Variants in SLC17A2 observed in about 807,000 individuals in gnomAD.
SLC17A2 encodes sodium-dependent phosphate transport protein 3.
In SLC17A2, 38 loss-of-function variants were observed where a neutral mutation model predicts 52.1. That is an observed-to-expected ratio of 0.73 (90% CI 0.56 to 0.96). SLC17A2 has a LOEUF of 0.96. Ranked by LOEUF, SLC17A2 falls within the 40% of genes least tolerant of loss-of-function variation. SLC17A2 has a pLI of 0.00. For synonymous variants in SLC17A2, 226 were observed against 211.9 expected (o/e 1.07, Z -0.58); for missense variants, 508 against 583.9 (o/e 0.87, Z 1.34).
chr6:25,913,397 A>G lies in SLC17A2; in HGVS notation c.1357T>C (p.Phe453Leu). 1.2e-6 allele frequency: 2 copies of G among 1,614,178 alleles called. No homozygotes were observed. Among genetic ancestry groups the G allele is most frequent in the East Asian group, 4.5e-5 (2 of 44,882 alleles). The stretch of plus-strand genomic sequence containing the variant: ...AACGTGAGGTAAAAGACCAGGCCAA[A>G]CATGTTGACTGCAGCAGACAGGAAA... ...VFFLSAAVNM[F>L]GLVFYLTFGQ... The change falls in exon 12 of 12, where the codon TTT (phenylalanine) becomes CTT (leucine). Residue 453 changes from phenylalanine (F) to leucine (L), a missense_variant. Coordinates refer to ENST00000377850, the MANE Select transcript of SLC17A2 (RefSeq NM_001286123.3).
intron 1 of SLC17A2, among the ~76,000 whole-genome samples, chr6:25,928,898 A>G (rs948254815): frequency 6.6e-6 from 1 of 152,198 alleles, no homozygotes; most frequent in African/African-American, 2.4e-5. Flanking sequence ...AAATGAATTG[A>G]AATTAAGTTA....
At position 25,917,110 on chromosome 6, in the gene SLC17A2, G is replaced by A. The variant is rs776736311; in HGVS notation, c.650-23C>T. The stretch of plus-strand genomic sequence containing the variant: ...TACCTGGGAAGAAGGGATAAAATTA[G>A]TTTTTAGGTAGATTTGTTTACTGGG... On this transcript the variant is annotated intron_variant, in intron 6 of 11. Transcript: ENST00000377850. 4 of 1,583,058 alleles carry A rather than the reference G, an allele frequency of 2.5e-6. No individual in the cohort carries two copies. In the South Asian group the frequency reaches 4.4e-5, roughly 17 times the overall value.
intron 5 of SLC17A2, among the ~76,000 whole-genome samples, chr6:25,919,911 G>A (rs1166269366): frequency 6.6e-6 from 1 of 152,070 alleles, no homozygotes; most frequent in African/African-American, 2.4e-5. Context: ...GCACAGGGGA[G>A]TTGAGTGGAA....
At chr6:25,919,818 C>G (rs1561877950) in intron 5 of SLC17A2, among the ~76,000 whole-genome samples, 2 of 142,800 alleles carry the variant, frequency 1.4e-5, no homozygotes, top group African/African-American at 2.6e-5. Context: ...GGCATATAAA[C>G]TAACGGGAGC....
chr6:25,916,730 G>A lies in SLC17A2; in HGVS notation c.885C>T (p.Tyr295=). The A allele has an allele frequency of 1.2e-6, 2 of 1,613,786 alleles. No individual in the cohort carries two copies. The highest frequency in any genetic ancestry group is 1.6e-4 in the Middle Eastern group (1 of 6,062). ...HFWLCTIILT[Y]LPTYISTLLH... is the part of the protein sequence containing the mutation. ...GCAGAGTACTGATATACGTTGGTAG[G>A]TATGTTAGGATGATGGTGCACAACC... The change falls in exon 8 of 12, where the codon TAC becomes TAT. Residue 295 remains tyrosine (Y), a synonymous_variant. Transcript: ENST00000377850.
In SLC17A2 at chr6:25,921,212, G is replaced by A; in HGVS notation, c.441C>T (p.Val147=). Residue 147 remains valine (V), a synonymous_variant, in exon 4 of 12, where the codon GTC becomes GTT. Transcript: ENST00000377850. ...PLAADFGVIL[V]IMVRTVQGMA... is the part of the protein sequence containing the mutation. ...TGCCCTGGACTGTCCGAACCATGAT[G>A]ACCAAAATCACTCCGAAGTCAGCAG... 6.2e-7 allele frequency: 1 copy of A among 1,614,184 alleles called. No homozygotes were observed. Among genetic ancestry groups the A allele is most frequent in the Non-Finnish European group, 8.5e-7 (1 of 1,180,032 alleles).
rs1303196554 is a variant in SLC17A2, at chr6:25,918,588, G to A, written c.563-15C>T. ...AAATGCTGACCCTAAAGGAAAAAGG[G>A]AGAAAAACACTTATGAAAATATCAA... On this transcript the variant is annotated splice_polypyrimidine_tract_variant and intron_variant, in intron 5 of 11. Transcript: ENST00000377850. The A allele has an allele frequency of 3.2e-6, 5 of 1,564,292 alleles. No individual in the cohort carries two copies. The highest frequency in any genetic ancestry group is 8.8e-7 in the Non-Finnish European group (1 of 1,134,934).
In SLC17A2 at chr6:25,925,994, T is replaced by A. The variant is rs143480916; in HGVS notation, c.-83-115A>T. On this transcript the variant is annotated intron_variant, in intron 1 of 11. Coordinates refer to ENST00000377850, the MANE Select transcript of SLC17A2 (RefSeq NM_001286123.3). ...CCAACACAGCTCTATAACTTACATTTTATGGGGCACTACTGGTATGCTTTT... is the reference window on the plus strand; with the variant it reads ...CCAACACAGCTCTATAACTTACATTATATGGGGCACTACTGGTATGCTTTT... 89 of 632,016 alleles carry A rather than the reference T, an allele frequency of 1.4e-4. 1 individual carries two copies. In the Middle Eastern group the frequency reaches 1.9e-3, roughly 14 times the overall value. 39.2% of individuals were successfully genotyped at this position (632,016 alleles called of 1,614,324 possible).
chr6:25,928,194 A>AT (rs1167257781), intron 1 of SLC17A2, among the ~76,000 whole-genome samples: 14 of 152,020 alleles, frequency 9.2e-5, no homozygotes, highest in African/African-American at 2.7e-4. Flanking sequence ...AGATCCCCTA[A>AT]TGCCTAGACT....
Position 25,913,228 on chromosome 6 carries a change from T to G in SLC17A2, c.*89A>C. On this transcript the variant is annotated 3_prime_UTR_variant, in exon 12 of 12. Transcript: ENST00000377850. ...ACACACAGCCAGAGTTAAGAACTGC[T>G]GAGTCTATGGTCAGGAATATGGAGA... 9.9e-6 allele frequency: 14 copies of G among 1,412,556 alleles called. No homozygotes were observed. The highest frequency in any genetic ancestry group is 1.3e-5 in the Non-Finnish European group (13 of 1,000,566). The allele number at this position is 1,412,556 out of a possible 1,614,324, so 87.5% of individuals were successfully genotyped here.
Position 25,921,362 on chromosome 6 carries a change from G to A in SLC17A2, c.291C>T (p.Ser97=). The A allele has an allele frequency of 6.2e-7, 1 of 1,614,126 alleles. No individual in the cohort carries two copies. The highest frequency in any genetic ancestry group is 2.2e-5 in the East Asian group (1 of 44,886). ...SPETQGIIFS[S]INYGIILTLI... ...GAGTCAGTATTATCCCATAGTTGAT[G>A]GAGCTAAAGATGATACCCTGAGTTT... The change falls in exon 4 of 12, where the codon TCC becomes TCT. Residue 97 remains serine, a synonymous_variant. Transcript: ENST00000377850.
intron 3 of SLC17A2, among the ~76,000 whole-genome samples, chr6:25,922,271 G>T (rs535472872): frequency 6.6e-6 from 1 of 152,232 alleles, no homozygotes; most frequent in South Asian, 2.1e-4. Flanking sequence ...ATTTGGGAAG[G>T]TCCCAGAAAG....
chr6:25,918,564 A>G lies in SLC17A2; in HGVS notation c.572T>C (p.Phe191Ser), dbSNP rs199592342. ...LTTIAGSGSA[F>S]GSFIILCVGG... ...CACACAGAGGATGATGAAGGATCCAAATGCTGACCCTAAAGGAAAAAGGGA... is the reference window on the plus strand; with the variant it reads ...CACACAGAGGATGATGAAGGATCCAGATGCTGACCCTAAAGGAAAAAGGGA... Residue 191 changes from phenylalanine to serine, a missense_variant, in exon 6 of 12, where the codon TTT becomes TCT. By Grantham distance (155) the Phe-to-Ser change is radical. Coordinates refer to ENST00000377850, the MANE Select transcript of SLC17A2 (RefSeq NM_001286123.3). The G allele has an allele frequency of 1.2e-6, 2 of 1,611,912 alleles. No homozygotes were observed. Among genetic ancestry groups the G allele is most frequent in the Non-Finnish European group, 1.7e-6 (2 of 1,178,058 alleles).
In SLC17A2 at chr6:25,919,699, C is replaced by CAAAAAAAAAAAAAAAAAA. The variant is rs766352177; in HGVS notation, c.563-1144_563-1127dup. 4.3e-3 allele frequency among the ~76,000 whole-genome samples: 134 copies of CAAAAAAAAAAAAAAAAAA among 31,150 alleles called. 25 individuals carry two copies. Among genetic ancestry groups the CAAAAAAAAAAAAAAAAAA allele is most frequent in the Non-Finnish European group, 6.5e-3 (105 of 16,096 alleles). 20.4% of individuals were successfully genotyped at this position (31,150 alleles called of 152,430 possible). On this transcript the variant is annotated intron_variant, in intron 5 of 11. Coordinates refer to ENST00000377850, the MANE Select transcript of SLC17A2 (RefSeq NM_001286123.3). ...TGGGCGAAAGAGTGAGACACCGTCT[C>CAAAAAAAAAAAAAAAAAA]AAAAAAAAAAAAAAAAAAAAAAAAA...
At chr6:25,926,033 T>G (rs1766753129) in intron 1 of SLC17A2, among the ~76,000 whole-genome samples, 154 bp from the exon 2 acceptor site, 1 of 152,208 alleles carries the variant, frequency 6.6e-6, no homozygotes, top group South Asian at 2.1e-4. Context: ...TACAGGATTG[T>G]TAAAAGGAAA....
rs150450277 is a variant in SLC17A2, at chr6:25,915,900, T to C, written c.931-32A>G. The stretch of plus-strand genomic sequence containing the variant: ...GAAGGAAGTTTATACAGAGTAGTTA[T>C]AGAGATACGTTAGCACCAAAATTTG... On this transcript the variant is annotated intron_variant, in intron 8 of 11. Coordinates refer to ENST00000377850, the MANE Select transcript of SLC17A2 (RefSeq NM_001286123.3). 1.5e-4 allele frequency: 247 copies of C among 1,602,766 alleles called. No individual in the cohort carries two copies. In the African/African-American group the frequency reaches 2.8e-3, roughly 18 times the overall value.
chr6:25,926,103 C>A (rs1581575078), intron 1 of SLC17A2, among the ~76,000 whole-genome samples: 1 of 152,282 alleles, frequency 6.6e-6, no homozygotes, highest in Non-Finnish European at 1.5e-5. Context: ...TCTAATCATT[C>A]ATTTCCTCAT....
chr6:25,913,110 A>G lies in SLC17A2; in HGVS notation c.*207T>C, dbSNP rs1412841506. The G allele has an allele frequency of 3.8e-6, 2 of 531,256 alleles. No individual in the cohort carries two copies. Among genetic ancestry groups the G allele is most frequent in the East Asian group, 2.9e-5 (1 of 34,996 alleles). The allele number at this position is 531,256 out of a possible 1,614,324, so 32.9% of individuals were successfully genotyped here. ...CTCTAAGGAGTATCTAAAAATTAGTAGTATCTGGGTTCCACCCCAGACCAA... is the reference window on the plus strand; with the variant it reads ...CTCTAAGGAGTATCTAAAAATTAGTGGTATCTGGGTTCCACCCCAGACCAA... On this transcript the variant is annotated 3_prime_UTR_variant, in exon 12 of 12. Transcript: ENST00000377850.
At chr6:25,920,580 T>G (rs143132257) in intron 5 of SLC17A2, among the ~76,000 whole-genome samples, 1 of 152,312 alleles carries the variant, frequency 6.6e-6, no homozygotes, top group East Asian at 1.9e-4. Flanking sequence ...CTTAGAATAA[T>G]ACAGAAACTT....
Sources: gnomAD v4.1 joint callset for allele counts (sites outside exome capture counted in the v4.1 genomes callset) on GRCh38, gnomAD v4.1.1 for gene constraint, MANE v1.5 for transcripts, NCBI Gene and HGNC (gene_info 2026-07-23, HGNC 2026-07-21) for gene names.